CDH18: variants seen among roughly 807,000 people sequenced by gnomAD.
CDH18 encodes cadherin 18.
A neutral mutation model predicts 67.9 loss-of-function variants in CDH18; 31 were observed. The ratio of observed to expected loss-of-function variants is 0.46; its 90% CI spans 0.34 to 0.62. The LOEUF is 0.62. CDH18 is among the 20% of genes least tolerant of loss of function. The pLI, the probability that CDH18 is intolerant of heterozygous loss-of-function variation, is 0.01. For synonymous variants in CDH18, 362 were observed against 347.2 expected (o/e 1.04, Z -0.48); for missense variants, 890 against 975.5 (o/e 0.91, Z 1.17).
chr5:20,262,362 G>A (rs1744719154), intron 1 of CDH18, among the ~76,000 whole-genome samples: 1 of 152,184 alleles, frequency 6.6e-6, no homozygotes, highest in Non-Finnish European at 1.5e-5. Context: ...TTTTCACAAT[G>A]TTGGAAGGGA....
chr5:20,221,021 G>A (rs1263600354), intron 2 of CDH18, among the ~76,000 whole-genome samples: 1 of 152,052 alleles, frequency 6.6e-6, no homozygotes, highest in Non-Finnish European at 1.5e-5. Flanking sequence ...CACCGTTGGT[G>A]GGTGTGTAAA....
intron 3 of CDH18, among the ~76,000 whole-genome samples, chr5:19,792,101 A>G (rs758815116): frequency 5.3e-4 from 81 of 152,292 alleles, no homozygotes; most frequent in Admixed American, 7.2e-4. Context: ...AGGAAGGCCC[A>G]CAGAGCTGAT....
At chr5:20,484,770 G>T (rs1753056376) in intron 1 of CDH18, among the ~76,000 whole-genome samples, 1 of 152,076 alleles carries the variant, frequency 6.6e-6, no homozygotes, top group African/African-American at 2.4e-5. Context: ...CATGGAGATA[G>T]AGAGTAGAAC....
At chr5:20,135,503 A>G (rs1324809393) in intron 2 of CDH18, among the ~76,000 whole-genome samples, 1 of 151,990 alleles carries the variant, frequency 6.6e-6, no homozygotes, top group Non-Finnish European at 1.5e-5. Flanking sequence ...TAGTCTTACT[A>G]GTGCTCTATC....
At chr5:19,621,655 G>T (rs553173236) in intron 5 of CDH18, among the ~76,000 whole-genome samples, 1 of 152,234 alleles carries the variant, frequency 6.6e-6, no homozygotes, top group South Asian at 2.1e-4. Context: ...ATAAATGGTG[G>T]TTTTCCAGGG....
chr5:20,279,544 C>T (rs1452661205), intron 1 of CDH18, among the ~76,000 whole-genome samples: 2 of 151,174 alleles, frequency 1.3e-5, no homozygotes, highest in Non-Finnish European at 3.0e-5. Context: ...ATTAAAACTA[C>T]AAAAATTAGC....
chr5:20,070,654 C>T (rs1743405749), intron 2 of CDH18, among the ~76,000 whole-genome samples: 1 of 152,104 alleles, frequency 6.6e-6, no homozygotes, highest in Admixed American at 6.5e-5. Flanking sequence ...GTGCCTGAGT[C>T]CTTGTTCCAT....
intron 2 of CDH18, among the ~76,000 whole-genome samples, chr5:20,047,326 A>G (rs955247414): frequency 6.6e-6 from 1 of 151,906 alleles, no homozygotes; most frequent in Non-Finnish European, 1.5e-5. Flanking sequence ...CTAGAAACAT[A>G]TGTTTTACAT....
At chr5:20,508,841 T>G (rs1187488364) in intron 1 of CDH18, among the ~76,000 whole-genome samples, 1 of 152,100 alleles carries the variant, frequency 6.6e-6, no homozygotes, top group African/African-American at 2.4e-5. Context: ...TCATAATTAC[T>G]ATCTCAATCA....
At chr5:20,457,730 A>G (rs945129133) in intron 1 of CDH18, among the ~76,000 whole-genome samples, 8 of 152,194 alleles carry the variant, frequency 5.3e-5, no homozygotes, top group African/African-American at 1.7e-4. Context: ...TGAATTTACT[A>G]TAAACAATGC....
intron 3 of CDH18, among the ~76,000 whole-genome samples, chr5:19,820,320 G>A (rs565441667): frequency 6.6e-6 from 1 of 152,274 alleles, no homozygotes; most frequent in African/African-American, 2.4e-5. Context: ...AAAACTAGCT[G>A]TTCAGACCTG....
chr5:19,933,795 A>T (rs1223878230), intron 2 of CDH18, among the ~76,000 whole-genome samples: 7 of 151,340 alleles, frequency 4.6e-5, no homozygotes, highest in Admixed American at 2.6e-4. Flanking sequence ...GCCTCCCTTG[A>T]TCCTTAAAAT....
chr5:20,092,612 A>G (rs1745539164), intron 2 of CDH18, among the ~76,000 whole-genome samples: 3 of 152,142 alleles, frequency 2.0e-5, no homozygotes, highest in Admixed American at 6.6e-5. Flanking sequence ...ATTATCATGA[A>G]AATATATATG....
chr5:19,539,683 C>A (rs547046893), intron 9 of CDH18, among the ~76,000 whole-genome samples: 1 of 152,094 alleles, frequency 6.6e-6, no homozygotes. Flanking sequence ...TCACATCTTA[C>A]GTGGCAGCAG....
At chr5:20,411,738 A>T (rs764785434) in intron 1 of CDH18, among the ~76,000 whole-genome samples, 9 of 151,986 alleles carry the variant, frequency 5.9e-5, no homozygotes, top group Non-Finnish European at 1.2e-4. Context: ...CAAAACATAT[A>T]AGGAATTCCT....
At chr5:20,157,506 A>T (rs543134842) in intron 2 of CDH18, among the ~76,000 whole-genome samples, 1 of 152,268 alleles carries the variant, frequency 6.6e-6, no homozygotes, top group South Asian at 2.1e-4. Flanking sequence ...TTGTGCATAT[A>T]TAATGCATAG....
At chr5:19,493,417 A>C (rs1741787931) in intron 11 of CDH18, among the ~76,000 whole-genome samples, 1 of 152,156 alleles carries the variant, frequency 6.6e-6, no homozygotes, top group South Asian at 2.1e-4. Context: ...ATTTCTCTTA[A>C]GAAGAAAGGC....
intron 3 of CDH18, among the ~76,000 whole-genome samples, chr5:19,770,642 C>G (rs114603417): frequency 6.6e-6 from 1 of 151,742 alleles, no homozygotes; most frequent in African/African-American, 2.4e-5. Flanking sequence ...AAAGGAAGAC[C>G]AAGACAGACT....
chr5:19,981,907 C>T (rs1028378913), intron 1 of CDH18, among the ~76,000 whole-genome samples: 1 of 152,080 alleles, frequency 6.6e-6, no homozygotes, highest in Non-Finnish European at 1.5e-5. Context: ...TTTTCTGCAT[C>T]CCTTTTTCAT....
Sources: allele counts gnomAD v4.1 joint callset (sites outside exome capture counted in the v4.1 genomes callset), GRCh38; gene constraint gnomAD v4.1.1; transcripts MANE v1.5; gene names NCBI Gene and HGNC (gene_info 2026-07-23, HGNC 2026-07-21).